The following MCU variants were observed in gnomAD, a reference collection of about 807,000 sequenced individuals.
MCU encodes mitochondrial calcium uniporter.
Under a neutral mutation model 45.2 loss-of-function variants are expected in MCU, and 12 were observed. That is an observed-to-expected ratio of 0.27 (90% CI 0.17 to 0.43). The LOEUF (loss-of-function observed/expected upper bound fraction) is 0.43. Ranked by LOEUF, MCU falls within the 20% of genes least tolerant of loss-of-function variation. The pLI, the probability that MCU is intolerant of heterozygous loss-of-function variation, is 1.00. For missense variants in MCU, 324 were observed against 436.7 expected, an observed-to-expected ratio of 0.74 and a Z score of 2.30; for synonymous variants, 160 against 165.1, an observed-to-expected ratio of 0.97 and a Z score of 0.24.
intron 1 of MCU, among the ~76,000 whole-genome samples, chr10:72,791,959 G>T (rs1318661871): frequency 1.3e-5 from 2 of 152,138 alleles, no homozygotes; most frequent in African/African-American, 2.4e-5. Flanking sequence ...GGATTTTGAA[G>T]TCAAGTTTGA....
At chr10:72,702,267 AAAAG>A (rs1172048655) in intron 1 of MCU, among the ~76,000 whole-genome samples, 1 of 152,066 alleles carries the variant, frequency 6.6e-6, no homozygotes, top group Non-Finnish European at 1.5e-5. Flanking sequence ...AAAGAAAAAA[AAAAG>A]AAGAAGAAAA....
intron 1 of MCU, among the ~76,000 whole-genome samples, chr10:72,785,304 G>A (rs1844056187): frequency 6.6e-6 from 1 of 152,140 alleles, no homozygotes. Flanking sequence ...CCCTGCTTCT[G>A]TTGTCTCCCT....
chr10:72,767,247 T>A (rs1345382115), intron 1 of MCU, among the ~76,000 whole-genome samples: 1 of 152,152 alleles, frequency 6.6e-6, no homozygotes, highest in Non-Finnish European at 1.5e-5. Flanking sequence ...TAATTTCCTT[T>A]CTGCTGTCTG....
intron 1 of MCU, among the ~76,000 whole-genome samples, chr10:72,769,577 C>T (rs865857608): frequency 6.6e-6 from 1 of 152,136 alleles, no homozygotes; most frequent in Non-Finnish European, 1.5e-5. Context: ...ACCACTGTGC[C>T]TGGCTGTAGA....
intron 1 of MCU, among the ~76,000 whole-genome samples, chr10:72,699,394 C>G (rs1564531958): frequency 2.0e-5 from 3 of 152,066 alleles, no homozygotes; most frequent in Non-Finnish European, 2.9e-5. Context: ...GTAATCCCAA[C>G]TACTCGGGAG....
At chr10:72,834,543 TA>T in intron 2 of MCU, 115 bp downstream of exon 2, 2 of 793,098 alleles carry the variant, frequency 2.5e-6, no homozygotes, top group Admixed American at 4.9e-5. Flanking sequence ...AAGGTGGGCT[TA>T]GGGGTCAGAG....
intron 1 of MCU, among the ~76,000 whole-genome samples, chr10:72,720,802 A>G (rs1843011300): frequency 6.6e-6 from 1 of 152,210 alleles, no homozygotes; most frequent in Non-Finnish European, 1.5e-5. Context: ...ATGTTGATCA[A>G]TTGAAATGAT....
At chr10:72,801,681 T>C (rs1010186019) in intron 1 of MCU, among the ~76,000 whole-genome samples, 1 of 151,402 alleles carries the variant, frequency 6.6e-6, no homozygotes, top group African/African-American at 2.4e-5. Flanking sequence ...TTTCTTTTTT[T>C]TTTTTTTTAA....
intron 1 of MCU, among the ~76,000 whole-genome samples, chr10:72,723,850 A>G (rs1234680002): frequency 6.6e-6 from 1 of 152,204 alleles, no homozygotes; most frequent in African/African-American, 2.4e-5. Flanking sequence ...AGAATAGGTT[A>G]CCGCCCTCAC....
chr10:72,711,435 A>G (rs895483879), intron 1 of MCU, among the ~76,000 whole-genome samples: 2 of 151,312 alleles, frequency 1.3e-5, no homozygotes, highest in Non-Finnish European at 2.9e-5. Flanking sequence ...TGGCCAGGCT[A>G]GTCTTGAACT....
chr10:72,797,721 G>T (rs1428045675), intron 1 of MCU, among the ~76,000 whole-genome samples: 1 of 151,806 alleles, frequency 6.6e-6, no homozygotes, highest in African/African-American at 2.4e-5. Flanking sequence ...TTTTAGTAGA[G>T]ACAGGGTTTC....
chr10:72,713,165 G>A lies in MCU; in HGVS notation c.150+20864G>A, dbSNP rs115083601. Among the ~76,000 whole-genome samples the A allele has an allele frequency of 5.6e-3, 848 of 152,236 alleles. 7 individuals carry two copies. Among genetic ancestry groups the A allele is most frequent in the African/African-American group, 0.019 (794 of 41,546 alleles). On this transcript the variant is annotated intron_variant, in intron 1 of 7. Coordinates refer to ENST00000373053, the MANE Select transcript of MCU (RefSeq NM_138357.3). ...TTTTAAGCATATTTTAATTAGGGGT[G>A]GTATAATAGTCTTTTGGCTAAAACT...
chr10:72,697,426 ATT>A (rs1001610262), intron 1 of MCU, among the ~76,000 whole-genome samples: 31 of 64,130 alleles, frequency 4.8e-4, no homozygotes, highest in African/African-American at 1.2e-3. Flanking sequence ...CCAGACTTCT[ATT>A]TTTTTTTTTT....
At chr10:72,862,906 T>G (rs1845400483) in intron 4 of MCU, among the ~76,000 whole-genome samples, 2 of 151,358 alleles carry the variant, frequency 1.3e-5, no homozygotes, top group South Asian at 4.2e-4. Context: ...AACACATCTT[T>G]TTAAAAAAAA....
chr10:72,872,157 G>T (rs1357083948), intron 6 of MCU, among the ~76,000 whole-genome samples: 1 of 151,898 alleles, frequency 6.6e-6, no homozygotes, highest in East Asian at 1.9e-4. Flanking sequence ...CATAATAATT[G>T]TACATATTTT....
intron 2 of MCU, among the ~76,000 whole-genome samples, chr10:72,840,644 T>A (rs1191943732): frequency 6.6e-6 from 1 of 152,178 alleles, no homozygotes; most frequent in Non-Finnish European, 1.5e-5. Context: ...AAATGAAGCA[T>A]TAAAGCTACT....
At chr10:72,842,128 A>C (rs1845056870) in intron 2 of MCU, among the ~76,000 whole-genome samples, 1 of 152,162 alleles carries the variant, frequency 6.6e-6, no homozygotes, top group Admixed American at 6.5e-5. Context: ...AATACAAAAA[A>C]TTAGCTGGGC....
intron 1 of MCU, among the ~76,000 whole-genome samples, chr10:72,800,224 C>A (rs1453600050): frequency 6.6e-6 from 1 of 152,208 alleles, no homozygotes; most frequent in Non-Finnish European, 1.5e-5. Flanking sequence ...AAATTGTCCA[C>A]ATGGTGGCCG....
chr10:72,715,836 T>A (rs1011839993), intron 1 of MCU: 22 of 984,490 alleles, frequency 2.2e-5, no homozygotes, highest in Admixed American at 1.8e-4. Context: ...GGGAGAGTGT[T>A]TTCCTGCTCT....
Sources: allele counts gnomAD v4.1 joint callset (sites outside exome capture counted in the v4.1 genomes callset), GRCh38; gene constraint gnomAD v4.1.1; transcripts MANE v1.5; gene names NCBI Gene and HGNC (gene_info 2026-07-23, HGNC 2026-07-21).